The following SUGCT variants were observed in gnomAD, a reference collection of about 807,000 sequenced individuals.
The protein encoded by SUGCT is succinyl-CoA:glutarate-CoA transferase, also known as succinyl-CoA:glutarate CoA-transferase.
A neutral mutation model predicts 55.0 loss-of-function variants in SUGCT; 41 were observed. The ratio of observed to expected loss-of-function variants is 0.74; its 90% confidence interval spans 0.58 to 0.97. SUGCT has a LOEUF of 0.97. SUGCT is among the 50% of genes least tolerant of loss of function. The pLI is 0.00. For missense variants in SUGCT, 568 were observed against 547.8 expected (o/e 1.04, Z -0.37); for synonymous variants, 187 against 200.4 (o/e 0.93, Z 0.56).
intron 6 of SUGCT, among the ~76,000 whole-genome samples, chr7:40,207,103 A>G (rs1787019402): frequency 6.6e-6 from 1 of 152,050 alleles, no homozygotes; most frequent in African/African-American, 2.4e-5. Context: ...GGAGGCTGAC[A>G]TAGAAGATTG....
At chr7:40,277,725 A>G (rs1310605019) in intron 8 of SUGCT, among the ~76,000 whole-genome samples, 1 of 140,342 alleles carries the variant, frequency 7.1e-6, no homozygotes, top group African/African-American at 2.8e-5. Flanking sequence ...TTTAGGGTAC[A>G]TGTGCACAAT....
chr7:40,711,793 G>A (rs1036216539), intron 12 of SUGCT, among the ~76,000 whole-genome samples: 1 of 152,204 alleles, frequency 6.6e-6, no homozygotes, highest in Non-Finnish European at 1.5e-5. Context: ...ATGTTTCTGT[G>A]TATCTTCAAC....
chr7:41,031,693 A>G, the SUGCT span, among the ~76,000 whole-genome samples: 1 of 152,164 alleles, frequency 6.6e-6, no homozygotes, highest in Non-Finnish European at 1.5e-5. Flanking sequence ...CTTCTTCCAA[A>G]TTCTTTAGAT....
intron 12 of SUGCT, among the ~76,000 whole-genome samples, chr7:40,562,409 G>A (rs1169713108): frequency 6.6e-6 from 1 of 152,156 alleles, no homozygotes; most frequent in Non-Finnish European, 1.5e-5. Context: ...GTGTAAAATG[G>A]TGTAGGATGC....
At chr7:40,600,425 G>T (rs1245419879) in intron 12 of SUGCT, among the ~76,000 whole-genome samples, 1 of 152,220 alleles carries the variant, frequency 6.6e-6, no homozygotes, top group African/African-American at 2.4e-5. Flanking sequence ...CACATGGTTT[G>T]CAGAATGTCA....
chr7:40,994,610 A>G, the SUGCT span, among the ~76,000 whole-genome samples: 1 of 152,348 alleles, frequency 6.6e-6, no homozygotes, highest in Non-Finnish European at 1.5e-5. Context: ...AAGGTACAGA[A>G]GGACAAATTC....
Position 40,459,160 on chromosome 7 carries a change from A to T in SUGCT, c.948A>T (p.Val316=), listed in dbSNP as rs549391633. 304 of 1,611,236 alleles carry T rather than the reference A, an allele frequency of 1.9e-4. 4 individuals are homozygous for T. In the South Asian group the frequency reaches 3.3e-3, roughly 17 times the overall value. ...AGTATAAAACTAACCACCTTCGGGTACACAATAGAAAAGAGCTTATTAAAA... is the reference window on the plus strand; with the variant it reads ...AGTATAAAACTAACCACCTTCGGGTTCACAATAGAAAAGAGCTTATTAAAA... ...NSKYKTNHLR[V]HNRKELIKIL... is the part of the protein sequence containing the mutation. The change falls in exon 11 of 14, where the codon GTA becomes GTT. Residue 316 remains valine, a synonymous_variant. Transcript: ENST00000335693.
the SUGCT span, among the ~76,000 whole-genome samples, chr7:40,897,819 C>T: frequency 3.9e-5 from 6 of 152,258 alleles, no homozygotes; most frequent in East Asian, 7.7e-4. Flanking sequence ...GGTTTGTAAA[C>T]GCACCAATCA....
At chr7:40,914,735 G>T in the SUGCT span, among the ~76,000 whole-genome samples, 1 of 152,090 alleles carries the variant, frequency 6.6e-6, no homozygotes, top group Non-Finnish European at 1.5e-5. Flanking sequence ...CAAACCATAG[G>T]CCTATAGAGG....
intron 12 of SUGCT, among the ~76,000 whole-genome samples, chr7:40,677,670 G>T (rs1784063877): frequency 6.6e-6 from 1 of 152,118 alleles, no homozygotes; most frequent in Non-Finnish European, 1.5e-5. Context: ...TACAAGAGAG[G>T]CTAATAAGAA....
At chr7:40,438,330 T>G (rs138917813) in intron 9 of SUGCT, among the ~76,000 whole-genome samples, 1 of 152,284 alleles carries the variant, frequency 6.6e-6, no homozygotes, top group East Asian at 1.9e-4. Flanking sequence ...CCTCTCCTTT[T>G]GTGTCTCCTA....
At chr7:40,829,699 T>G (rs941379826) in intron 13 of SUGCT, among the ~76,000 whole-genome samples, 1 of 152,204 alleles carries the variant, frequency 6.6e-6, no homozygotes, top group African/African-American at 2.4e-5. Flanking sequence ...TGCTGTGCAG[T>G]GTCATGGTGG....
chr7:40,749,810 G>C (rs1787917688), intron 13 of SUGCT, among the ~76,000 whole-genome samples: 1 of 152,234 alleles, frequency 6.6e-6, no homozygotes, highest in East Asian at 1.9e-4. Flanking sequence ...GATAGTAATA[G>C]GTATGGCCAA....
At chr7:40,636,145 C>T (rs1584178924) in intron 12 of SUGCT, among the ~76,000 whole-genome samples, 1 of 152,144 alleles carries the variant, frequency 6.6e-6, no homozygotes, top group South Asian at 2.1e-4. Flanking sequence ...ATGAATCTGA[C>T]ATTTGGGGAG....
chr7:40,532,183 A>T (rs915330169), intron 12 of SUGCT, among the ~76,000 whole-genome samples: 2 of 152,178 alleles, frequency 1.3e-5, no homozygotes, highest in African/African-American at 2.4e-5. Context: ...AGAAATAAGG[A>T]TCCAATGCTC....
chr7:40,839,456 C>T (rs1793164296), intron 13 of SUGCT, among the ~76,000 whole-genome samples: 1 of 152,106 alleles, frequency 6.6e-6, no homozygotes, highest in South Asian at 2.1e-4. Context: ...AATATTCCTC[C>T]CTCTTCTATA....
rs528385460 is a variant in SUGCT, at chr7:40,493,544, A to T, written c.987-2740A>T. Among the ~76,000 whole-genome samples, 18 of 152,374 alleles carry T rather than the reference A, an allele frequency of 1.2e-4. No homozygotes were observed. The South Asian group carries it at 3.7e-3, about 32-fold the overall frequency. ...CTATCTAAATGATACCATTTGATTC[A>T]TAATACTCATTCCCAGTATTAAGTG... On this transcript the variant is annotated intron_variant, in intron 11 of 13. Transcript: ENST00000335693.
intron 9 of SUGCT, among the ~76,000 whole-genome samples, chr7:40,443,664 G>A (rs112788916): frequency 6.6e-6 from 1 of 152,012 alleles, no homozygotes; most frequent in Non-Finnish European, 1.5e-5. Context: ...TTCTCCCATT[G>A]TGTAGGTTGC....
chr7:40,647,586 C>T (rs1342586920), intron 12 of SUGCT, among the ~76,000 whole-genome samples: 1 of 152,130 alleles, frequency 6.6e-6, no homozygotes, highest in Non-Finnish European at 1.5e-5. Flanking sequence ...CGCAGTGGCT[C>T]ACGCATGTAC....
Sources: allele counts gnomAD v4.1 joint callset (sites outside exome capture counted in the v4.1 genomes callset), GRCh38; gene constraint gnomAD v4.1.1; transcripts MANE v1.5; gene names NCBI Gene and HGNC (gene_info 2026-07-23, HGNC 2026-07-21).